DLGAP1: variants seen among roughly 807,000 people sequenced by gnomAD.
DLGAP1 encodes DLG associated protein 1.
In DLGAP1, 11 loss-of-function variants were observed where a neutral mutation model predicts 90.8. That is an observed-to-expected ratio of 0.12 (90% CI 0.08 to 0.20). The LOEUF is 0.20. Among genes scored for constraint, DLGAP1 ranks in the 10% least tolerant of loss-of-function variants. DLGAP1 has a pLI of 1.00. For missense variants in DLGAP1, 1,050 were observed against 1,333.8 expected (o/e 0.79, Z 3.31); for synonymous variants, 558 against 540.7 (o/e 1.03, Z -0.44).
chr18:3,523,615 A>T (rs1490908934), intron 10 of DLGAP1, among the ~76,000 whole-genome samples: 2 of 152,076 alleles, frequency 1.3e-5, no homozygotes, highest in Non-Finnish European at 2.9e-5. Context: ...TGGGAGGCCA[A>T]GGAGGGCGGA....
At chr18:3,808,050 A>T (rs1471126810) in intron 5 of DLGAP1, among the ~76,000 whole-genome samples, 1 of 152,208 alleles carries the variant, frequency 6.6e-6, no homozygotes, top group Non-Finnish European at 1.5e-5. Flanking sequence ...ATGAAGGAAC[A>T]TTTTTTTAAA....
chr18:4,186,158 G>A (rs911873259), intron 1 of DLGAP1, among the ~76,000 whole-genome samples: 6 of 151,858 alleles, frequency 4.0e-5, no homozygotes, highest in African/African-American at 9.7e-5. Context: ...TTTAAGTTCC[G>A]TATAGATGCT....
At chr18:4,090,897 G>T (rs1598386192) in intron 2 of DLGAP1, among the ~76,000 whole-genome samples, 2 of 152,196 alleles carry the variant, frequency 1.3e-5, no homozygotes, top group South Asian at 4.1e-4. Context: ...ATACACCATG[G>T]AATACTATGC....
intron 1 of DLGAP1, among the ~76,000 whole-genome samples, chr18:4,209,510 A>G (rs1177947998): frequency 3.3e-5 from 5 of 152,186 alleles, no homozygotes; most frequent in Non-Finnish European, 7.3e-5. Context: ...TGAAACGGAT[A>G]CAGCTATCAC....
At chr18:3,964,426 A>G (rs1025578280) in intron 3 of DLGAP1, among the ~76,000 whole-genome samples, 3 of 152,186 alleles carry the variant, frequency 2.0e-5, no homozygotes, top group African/African-American at 7.2e-5. Context: ...GTGAGAAGAC[A>G]ACGAGTTTGG....
chr18:4,287,756 T>C (rs1332739102), intron 1 of DLGAP1, among the ~76,000 whole-genome samples: 2 of 152,044 alleles, frequency 1.3e-5, no homozygotes, highest in Non-Finnish European at 2.9e-5. Flanking sequence ...ACCTAGGTGA[T>C]GGGTTGATGG....
At chr18:3,673,522 A>G (rs72857770) in intron 7 of DLGAP1, among the ~76,000 whole-genome samples, 10,459 of 152,206 alleles carry the variant, frequency 0.069, 525 homozygotes, top group Non-Finnish European at 0.11. Flanking sequence ...TTAGCACACA[A>G]TTGCTGCTGT....
At chr18:3,679,369 T>C (rs1378252787) in intron 7 of DLGAP1, among the ~76,000 whole-genome samples, 4 of 152,108 alleles carry the variant, frequency 2.6e-5, no homozygotes, top group Non-Finnish European at 5.9e-5. Flanking sequence ...CTTGTCAGCA[T>C]TCTTTCTGTT....
chr18:4,168,705 C>T (rs904955497), intron 1 of DLGAP1, among the ~76,000 whole-genome samples: 1 of 152,124 alleles, frequency 6.6e-6, no homozygotes, highest in Non-Finnish European at 1.5e-5. Flanking sequence ...AAGGTTCATC[C>T]ATATTTAAAC....
chr18:3,740,860 C>T (rs955164498), intron 6 of DLGAP1, among the ~76,000 whole-genome samples: 9 of 149,700 alleles, frequency 6.0e-5, no homozygotes, highest in Non-Finnish European at 1.0e-4. Context: ...CCATCACGAC[C>T]ACCACCGCCA....
intron 1 of DLGAP1, among the ~76,000 whole-genome samples, chr18:4,450,683 G>A (rs966917115): frequency 2.6e-5 from 4 of 152,170 alleles, no homozygotes; most frequent in Non-Finnish European, 5.9e-5. Flanking sequence ...CACACTTTGT[G>A]GTTTGCTGTT....
chr18:3,724,954 A>T (rs2147392933), intron 7 of DLGAP1, among the ~76,000 whole-genome samples: 1 of 151,996 alleles, frequency 6.6e-6, no homozygotes, highest in Middle Eastern at 3.4e-3. Flanking sequence ...GAGAATATAT[A>T]TCATGATAGC....
At chr18:3,626,185 T>C (rs925676241) in intron 7 of DLGAP1, among the ~76,000 whole-genome samples, 5 of 151,722 alleles carry the variant, frequency 3.3e-5, no homozygotes, top group Non-Finnish European at 7.4e-5. Flanking sequence ...GCCAGCTACT[T>C]GGGGGGCTGA....
At chr18:3,594,619 G>A (rs2056474716) in intron 7 of DLGAP1, 1 of 152,154 alleles carries the variant, frequency 6.6e-6, no homozygotes, top group Admixed American at 6.5e-5. Context: ...CTTAGCTGCA[G>A]GGTTAAACCT....
chr18:4,350,846 CA>C (rs1451247886), intron 1 of DLGAP1, among the ~76,000 whole-genome samples: 1 of 151,992 alleles, frequency 6.6e-6, no homozygotes, highest in African/African-American at 2.4e-5. Flanking sequence ...ATCTAATTAC[CA>C]AAACATTATT....
rs534077492 is a variant in DLGAP1 at position 3,990,539 on chromosome 18, C to T, written c.-73+14577G>A. ...AGGAGATATACCTAATGCTAAATGA[C>T]GAGTTAATGGGTGCAACACACCAAC... is the stretch of plus-strand genomic sequence containing the variant. On this transcript the variant is annotated intron_variant, in intron 3 of 12. Coordinates refer to ENST00000315677, the MANE Select transcript of DLGAP1 (RefSeq NM_004746.4). 3.5e-3 allele frequency among the ~76,000 whole-genome samples: 521 copies of T among 150,338 alleles called. 2 individuals carry two copies. Among genetic ancestry groups the T allele is most frequent in the Middle Eastern group, 0.024 (7 of 288 alleles).
chr18:4,140,976 C>T (rs1277609465), intron 2 of DLGAP1, among the ~76,000 whole-genome samples: 1 of 151,746 alleles, frequency 6.6e-6, no homozygotes, highest in African/African-American at 2.4e-5. Flanking sequence ...TTATCCTTGA[C>T]CTTTGGAAGT....
intron 5 of DLGAP1, among the ~76,000 whole-genome samples, chr18:3,752,589 T>C (rs1326442097): frequency 2.3e-5 from 3 of 131,596 alleles, no homozygotes; most frequent in East Asian, 2.6e-4. Flanking sequence ...TTCTCTCTCT[T>C]TCTCTCTCTC....
At chr18:3,707,216 TAAGAA>T (rs2061462137) in intron 7 of DLGAP1, among the ~76,000 whole-genome samples, 1 of 152,174 alleles carries the variant, frequency 6.6e-6, no homozygotes, top group Non-Finnish European at 1.5e-5. Context: ...CTCTACGCTC[TAAGAA>T]AAGAAAGGGA....
Sources: gnomAD v4.1 joint callset for allele counts (sites outside exome capture counted in the v4.1 genomes callset) on GRCh38, gnomAD v4.1.1 for gene constraint, MANE v1.5 for transcripts, NCBI Gene and HGNC (gene_info 2026-07-23, HGNC 2026-07-21) for gene names.